The following SHANK2 variants were observed in gnomAD, a reference collection of about 807,000 sequenced individuals.
SHANK2 encodes SH3 and multiple ankyrin repeat domains protein 2.
Under a neutral mutation model 133.7 loss-of-function variants are expected in SHANK2, and 43 were observed. The ratio of observed to expected loss-of-function variants is 0.32; its 90% CI spans 0.25 to 0.41. SHANK2 has a LOEUF of 0.41. Among genes scored for constraint, SHANK2 ranks in the 10% least tolerant of loss-of-function variants. The probability of loss-of-function intolerance (pLI) is 1.00; values close to 1 mark genes in which losing one functional copy is unlikely to be tolerated. For synonymous variants in SHANK2, 1,017 were observed against 952.8 expected (o/e 1.07, Z -1.24); for missense variants, 1,994 against 2,235.8 (o/e 0.89, Z 2.18).
intron 17 of SHANK2, among the ~76,000 whole-genome samples, chr11:70,576,541 GCA>G (rs1554984333): frequency 6.6e-6 from 1 of 152,190 alleles, no homozygotes; most frequent in Admixed American, 6.5e-5. Flanking sequence ...GGAGGCTGAG[GCA>G]GGAGAATGGC....
At position 70,644,345 on chromosome 11, in the gene SHANK2, G is replaced by A. The variant is rs138845683; in HGVS notation, c.2061+15483C>T. ...CTCCCCATCCCCTTCCCCAGCCCCC[G>A]ACACCCACCATCCTACTTTCTGTCT... On this transcript the variant is annotated intron_variant, in intron 17 of 25. Transcript: ENST00000601538. Among the ~76,000 whole-genome samples, 932 of 150,564 alleles carry A rather than the reference G, an allele frequency of 6.2e-3. 11 individuals are homozygous for A. The highest frequency in any genetic ancestry group is 0.021 in the African/African-American group (882 of 41,132).
chr11:71,181,326 A>G (rs1310336188), intron 2 of SHANK2, among the ~76,000 whole-genome samples: 3 of 152,172 alleles, frequency 2.0e-5, no homozygotes, highest in African/African-American at 7.2e-5. Context: ...AACAAGTGGC[A>G]CATGGCCTTT....
chr11:71,237,253 G>A (rs1555123822), intron 1 of SHANK2, among the ~76,000 whole-genome samples: 1 of 152,158 alleles, frequency 6.6e-6, no homozygotes, highest in African/African-American at 2.4e-5. Context: ...GGCTGTAGTG[G>A]GCAACTTGCA....
chr11:70,504,635 C>T (rs782525031), intron 17 of SHANK2, among the ~76,000 whole-genome samples: 1 of 152,194 alleles, frequency 6.6e-6, no homozygotes, highest in African/African-American at 2.4e-5. Context: ...GCAGGACTAT[C>T]CTAATGGGGC....
chr11:70,651,918 T>C (rs1462674817), intron 17 of SHANK2, among the ~76,000 whole-genome samples: 3 of 152,178 alleles, frequency 2.0e-5, no homozygotes, highest in Non-Finnish European at 4.4e-5. Context: ...AGTTCCTAGA[T>C]TGGTCATCAG....
chr11:71,136,506 A>G (rs1440475431), intron 3 of SHANK2, among the ~76,000 whole-genome samples: 13 of 152,236 alleles, frequency 8.5e-5, no homozygotes, highest in Admixed American at 2.6e-4. Flanking sequence ...GGGGGGTGAG[A>G]AATTACTTAA....
intron 11 of SHANK2, among the ~76,000 whole-genome samples, chr11:70,844,011 T>C (rs1315378910): frequency 6.6e-6 from 1 of 152,122 alleles, no homozygotes; most frequent in Non-Finnish European, 1.5e-5. Context: ...TTTCCTAGGG[T>C]AGGACCACAC....
At chr11:70,910,815 A>C (rs972441928) in intron 10 of SHANK2, among the ~76,000 whole-genome samples, 42 of 151,338 alleles carry the variant, frequency 2.8e-4, no homozygotes, top group Non-Finnish European at 4.4e-5. Flanking sequence ...TCAAAAAAAA[A>C]AAAAAAGTTG....
chr11:71,157,177 G>A (rs1952923321), intron 2 of SHANK2, among the ~76,000 whole-genome samples: 1 of 152,124 alleles, frequency 6.6e-6, no homozygotes, highest in Non-Finnish European at 1.5e-5. Context: ...ACTCTGCAAT[G>A]GTTCTCTATC....
At chr11:70,568,836 G>A (rs2060005858) in intron 17 of SHANK2, among the ~76,000 whole-genome samples, 1 of 152,158 alleles carries the variant, frequency 6.6e-6, no homozygotes, top group African/African-American at 2.4e-5. Context: ...ACCATGGCTA[G>A]ACAGCCCCCT....
intron 2 of SHANK2, among the ~76,000 whole-genome samples, chr11:71,183,552 G>A (rs1384092500): frequency 6.6e-6 from 1 of 152,226 alleles, no homozygotes; most frequent in Non-Finnish European, 1.5e-5. Flanking sequence ...CTGCGACACT[G>A]CTAGAAATCA....
At chr11:70,885,540 C>T (rs543891569) in intron 11 of SHANK2, among the ~76,000 whole-genome samples, 26 of 152,286 alleles carry the variant, frequency 1.7e-4, no homozygotes, top group African/African-American at 6.0e-4. Flanking sequence ...GGGGACAGGC[C>T]GCAGGGCGGG....
intron 1 of SHANK2, among the ~76,000 whole-genome samples, chr11:71,236,756 T>A (rs1954830055): frequency 6.6e-6 from 1 of 152,204 alleles, no homozygotes; most frequent in African/African-American, 2.4e-5. Context: ...AGACAAACTG[T>A]ACAGCACATA....
At chr11:70,701,915 C>CCAT (rs1180914942) in intron 14 of SHANK2, among the ~76,000 whole-genome samples, 1 of 151,676 alleles carries the variant, frequency 6.6e-6, no homozygotes, top group African/African-American at 2.4e-5. Context: ...ATCATCACCA[C>CCAT]CATCATCACC....
At chr11:70,621,904 C>T (rs1274923583) in intron 17 of SHANK2, among the ~76,000 whole-genome samples, 11 of 152,122 alleles carry the variant, frequency 7.2e-5, no homozygotes, top group Admixed American at 7.2e-4. Flanking sequence ...GCCTGCACAC[C>T]CCCAGGCCTG....
rs781988209 is a variant in SHANK2, at chr11:70,486,780, C to G, written c.3513G>C (p.Arg1171Ser). The change falls in exon 25 of 26, where the codon AGG becomes AGC. Residue 1171 changes from arginine (R) to serine (S), a missense_variant. This residue lies in a region of SHANK2 where 797 missense variants were observed against 907.4 expected (regional missense o/e 0.88). Coordinates refer to ENST00000601538, the MANE Select transcript of SHANK2 (RefSeq NM_012309.5). The surrounding 1 kb of genome is among the most constrained non-coding windows in gnomAD (Gnocchi z 8.0). ...GGGCTTTGGACGTGGAATTCAGCGG[C>G]CTCCCAGCCTCACCCGGAGCACTGG... is the stretch of plus-strand genomic sequence containing the variant. The part of the protein sequence containing the change: ...AEASAPGEAG[R>S]PLNSTSKAQG... 3 of 1,611,608 alleles carry G rather than the reference C, an allele frequency of 1.9e-6. No individual in the cohort carries two copies. In the African/African-American group the frequency reaches 4.0e-5, roughly 22 times the overall value.
At chr11:71,076,279 G>A (rs1951218150) in intron 8 of SHANK2, among the ~76,000 whole-genome samples, 1 of 151,804 alleles carries the variant, frequency 6.6e-6, no homozygotes, top group Non-Finnish European at 1.5e-5. Flanking sequence ...GCCCCACCAA[G>A]GGCAGGCAGC....
intron 17 of SHANK2, among the ~76,000 whole-genome samples, chr11:70,576,477 A>T (rs1451742122): frequency 1.3e-5 from 2 of 151,912 alleles, no homozygotes; most frequent in Non-Finnish European, 2.9e-5. Flanking sequence ...TACTAAAAAC[A>T]ATACAAAATA....
chr11:71,092,659 A>G (rs1267985227), intron 7 of SHANK2, 70 bp from the exon 8 acceptor site: 11 of 1,482,268 alleles, frequency 7.4e-6, no homozygotes, highest in East Asian at 2.5e-5. Context: ...GGTGATCCAG[A>G]AAGCAGCACC....
Sources: gnomAD v4.1 joint callset for allele counts (sites outside exome capture counted in the v4.1 genomes callset) on GRCh38, gnomAD v4.1.1 for gene constraint, gnomAD v4.1.1 regional missense constraint, Gnocchi (gnomAD v3.1) non-coding constraint, MANE v1.5 for transcripts, NCBI Gene and HGNC (gene_info 2026-07-23, HGNC 2026-07-21) for gene names.